Variants in NSD2 observed in about 807,000 individuals in gnomAD.
NSD2 encodes the protein nuclear receptor binding SET domain protein 2.
NSD2 carries 12 observed loss-of-function variants against 139.0 expected under a neutral mutation model. The observed-to-expected ratio is 0.09, with a 90% CI of 0.06 to 0.14. The LOEUF is 0.14. Ranked by LOEUF, NSD2 falls within the 10% of genes least tolerant of loss-of-function variation. The pLI, the probability that NSD2 is intolerant of heterozygous loss-of-function variation, is 1.00. For missense variants in NSD2, 1,155 were observed against 1,745.0 expected (o/e 0.66, Z 6.02); for synonymous variants, 669 against 648.7 (o/e 1.03, Z -0.48).
chr4:1,890,447 C>T (rs1308110350), intron 1 of NSD2, among the ~76,000 whole-genome samples: 3 of 151,370 alleles, frequency 2.0e-5, no homozygotes, highest in Admixed American at 6.6e-5. Context: ...TACAGGCGCC[C>T]GCCACCATGC....
At chr4:1,888,075 C>T (rs888995831) in intron 1 of NSD2, among the ~76,000 whole-genome samples, 6 of 151,936 alleles carry the variant, frequency 3.9e-5, no homozygotes, top group South Asian at 2.1e-4. Context: ...TTTGGTGATA[C>T]GTGGTCTGAT....
In NSD2 at chr4:1,900,946, C is replaced by G. The variant is rs758105062; in HGVS notation, c.292C>G (p.Leu98Val). Residue 98 changes from leucine (L) to valine (V), a missense_variant, in exon 2 of 22, where the codon CTG becomes GTG. Leu to Val is a conservative substitution (Grantham distance 32, BLOSUM62 1). Transcript: ENST00000508803. ...AGAACCCGGCGCACACGATGCCAAA[C>G]TGCGTTTTGAGTCCCAGGAAATGAA... Reference protein sequence around the residue: ...NGEPGAHDAKLRFESQEMKGI... With the variant: ...NGEPGAHDAKVRFESQEMKGI... 3.1e-6 allele frequency: 5 copies of G among 1,614,222 alleles called. No individual in the cohort carries two copies. Among genetic ancestry groups the G allele is most frequent in the Non-Finnish European group, 4.2e-6 (5 of 1,180,040 alleles).
intron 1 of NSD2, among the ~76,000 whole-genome samples, chr4:1,879,181 G>A (rs1045137975): frequency 6.6e-5 from 10 of 151,988 alleles, no homozygotes; most frequent in Admixed American, 3.3e-4. Flanking sequence ...GTGTATATAT[G>A]TAAATATATA....
chr4:1,925,639 T>C (rs1415196205), intron 5 of NSD2, among the ~76,000 whole-genome samples: 2 of 151,686 alleles, frequency 1.3e-5, no homozygotes, highest in African/African-American at 2.4e-5. Flanking sequence ...CCTCAGGTGA[T>C]CCACCCGCCT....
Position 1,978,729 on chromosome 4 carries a change from G to A in NSD2, c.3918G>A (p.Glu1306=), listed in dbSNP as rs1402618515. 2.5e-6 allele frequency: 4 copies of A among 1,614,060 alleles called. No individual in the cohort carries two copies. The African/African-American group carries it at 4.0e-5, about 16-fold the overall frequency. ...CHLCPNSFCK[E]HQDGTAFSCT... Reference sequence around the variant, plus strand: ...TCTGCCCCAATTCGTTCTGTAAGGAGCACCAGGACGGGACAGCCTTCAGCT... The same window carrying A: ...TCTGCCCCAATTCGTTCTGTAAGGAACACCAGGACGGGACAGCCTTCAGCT... The change falls in exon 22 of 22, where the codon GAG becomes GAA. Residue 1306 remains glutamate (E), a synonymous_variant. Transcript: ENST00000508803.
intron 9 of NSD2, chr4:1,947,537 T>C (rs1723759561): frequency 9.5e-7 from 1 of 1,054,110 alleles, no homozygotes; most frequent in Non-Finnish European, 1.1e-6. Context: ...AAAATTGTTA[T>C]GAACTATAGT....
chr4:1,889,802 C>T (rs1290157527), intron 1 of NSD2, among the ~76,000 whole-genome samples: 1 of 152,076 alleles, frequency 6.6e-6, no homozygotes, highest in East Asian at 1.9e-4. Context: ...CCACTGTGCC[C>T]AGCCGACCTT....
intron 3 of NSD2, among the ~76,000 whole-genome samples, chr4:1,915,947 T>G (rs2108797310): frequency 6.6e-6 from 1 of 152,270 alleles, no homozygotes; most frequent in Non-Finnish European, 1.5e-5. Context: ...ATTCACCTTC[T>G]CATTTGACTT....
At position 1,961,166 on chromosome 4, in the gene NSD2, C is replaced by G. The variant is rs1264840134; in HGVS notation, c.3372+15C>G. The G allele has an allele frequency of 1.3e-6, 2 of 1,587,610 alleles. No homozygotes were observed. Among genetic ancestry groups the G allele is most frequent in the Non-Finnish European group, 1.7e-6 (2 of 1,158,470 alleles). ...CTATAGACAAGGTAATGCGGAACTC[C>G]ACTGTGAGCTTCTGCAGTGTGCTGG... On this transcript the variant is annotated intron_variant, in intron 18 of 21. Coordinates refer to ENST00000508803, the MANE Select transcript of NSD2 (RefSeq NM_001042424.3).
chr4:1,965,592 T>TA (rs1236856007), intron 18 of NSD2, among the ~76,000 whole-genome samples: 6 of 152,246 alleles, frequency 3.9e-5, no homozygotes, highest in African/African-American at 1.4e-4. Flanking sequence ...AGAGGAAAGC[T>TA]ACTCATTACA....
intron 9 of NSD2, chr4:1,945,300 A>G: frequency 2.8e-6 from 3 of 1,065,636 alleles, no homozygotes; most frequent in Non-Finnish European, 3.4e-6. Context: ...ACACCACAGG[A>G]AAGGAGGGAG....
chr4:1,953,620 C>A, intron 12 of NSD2, 96 bp downstream of exon 12: 2 of 1,423,838 alleles, frequency 1.4e-6, no homozygotes, highest in Non-Finnish European at 1.9e-6. Context: ...GGATTGTCAC[C>A]AAAGAGCATT....
chr4:1,880,376 T>C (rs762437664), intron 1 of NSD2, among the ~76,000 whole-genome samples: 1 of 152,188 alleles, frequency 6.6e-6, no homozygotes, highest in African/African-American at 2.4e-5. Flanking sequence ...CTTGGAAAAC[T>C]AACATACAGC....
rs1980626 is a variant in NSD2, at chr4:1,937,797, A to G, written c.1675-654A>G. ...CCCTGGGCAGCGCTGCTCTAGTGCT[A>G]TGGGGACAGGACAGTTTTCAGCCAC... On this transcript the variant is annotated intron_variant, in intron 7 of 21. Transcript: ENST00000508803. Among the ~76,000 whole-genome samples the G allele has an allele frequency of 4.4e-3, 669 of 152,300 alleles. 6 individuals carry two copies. Among genetic ancestry groups the G allele is most frequent in the African/African-American group, 0.016 (649 of 41,572 alleles).
At position 1,976,070 on chromosome 4, in the gene NSD2, T is replaced by A. The variant is rs1197125591; in HGVS notation, c.3622-405T>A. Among the ~76,000 whole-genome samples the A allele has an allele frequency of 6.6e-6, 1 of 152,136 alleles. No homozygotes were observed. The highest frequency in any genetic ancestry group is 1.5e-5 in the Non-Finnish European group (1 of 68,012). ...GTGTTGCTGAGGATGGTCACTGCCC[T>A]CAGGTCACTGCCGCCCACCTGTGCC... On this transcript the variant is annotated intron_variant, in intron 20 of 21. Coordinates refer to ENST00000508803, the MANE Select transcript of NSD2 (RefSeq NM_001042424.3). The surrounding 1 kb of genome is among the most constrained non-coding windows in gnomAD (Gnocchi z 5.3).
chr4:1,901,098 T>C lies in NSD2; in HGVS notation c.444T>C (p.Ala148=). The C allele has an allele frequency of 6.2e-7, 1 of 1,614,198 alleles. No homozygotes were observed. The highest frequency in any genetic ancestry group is 8.5e-7 in the Non-Finnish European group (1 of 1,180,048). ...LFESSICGDS[A]ADVSQSEENG... ...AATCTTCCATTTGTGGTGACAGTGCTGCTGATGTGTCTCAGTCAGAAGAAA... is the reference window on the plus strand; with the variant it reads ...AATCTTCCATTTGTGGTGACAGTGCCGCTGATGTGTCTCAGTCAGAAGAAA... Residue 148 remains alanine, a synonymous_variant, in exon 2 of 22, where the codon GCT becomes GCC. Coordinates refer to ENST00000508803, the MANE Select transcript of NSD2 (RefSeq NM_001042424.3).
chr4:1,936,364 T>A (rs551037859), intron 7 of NSD2, among the ~76,000 whole-genome samples: 2 of 152,268 alleles, frequency 1.3e-5, no homozygotes, highest in South Asian at 4.1e-4. Flanking sequence ...TTGTTTGAAT[T>A]TCTATTTTAT....
intron 1 of NSD2, 67 bp from the exon 2 acceptor site, chr4:1,900,559 G>A: frequency 9.3e-7 from 1 of 1,078,426 alleles, no homozygotes; most frequent in Non-Finnish European, 1.3e-6. Context: ...AGAGGTCCTG[G>A]CATACCTATC....
At chr4:1,945,443 C>T (rs1723523980) in intron 9 of NSD2, 2 of 1,064,038 alleles carry the variant, frequency 1.9e-6, no homozygotes, top group Non-Finnish European at 2.3e-6. Flanking sequence ...CTGGGTCTGT[C>T]ACAGAGAAGT....
Sources: allele counts gnomAD v4.1 joint callset (sites outside exome capture counted in the v4.1 genomes callset), GRCh38; gene constraint gnomAD v4.1.1; non-coding constraint Gnocchi (gnomAD v3.1); transcripts MANE v1.5; gene names NCBI Gene and HGNC (gene_info 2026-07-23, HGNC 2026-07-21).